Variants in GRAMD1B observed in about 807,000 individuals in gnomAD.
GRAMD1B encodes protein Aster-B.
In GRAMD1B, 37 loss-of-function variants were observed where a neutral mutation model predicts 99.7. That is an observed-to-expected ratio of 0.37 (90% CI 0.29 to 0.49). The LOEUF (loss-of-function observed/expected upper bound fraction) is 0.49. Among genes scored for constraint, GRAMD1B ranks in the 20% least tolerant of loss-of-function variants. GRAMD1B has a pLI of 0.98. For synonymous variants in GRAMD1B, 427 were observed against 387.6 expected (o/e 1.10, Z -1.19); for missense variants, 888 against 1,009.2 (o/e 0.88, Z 1.63).
intron 4 of GRAMD1B, among the ~76,000 whole-genome samples, chr11:123,593,741 G>A (rs530003368): frequency 2.1e-4 from 32 of 152,300 alleles, no homozygotes; most frequent in African/African-American, 7.7e-4. Flanking sequence ...CTGGCAGAAG[G>A]CAGAACAGCA....
chr11:123,568,570 A>G (rs1259051034), intron 2 of GRAMD1B, among the ~76,000 whole-genome samples: 1 of 152,218 alleles, frequency 6.6e-6, no homozygotes, highest in Non-Finnish European at 1.5e-5. Flanking sequence ...GGGAAGGCCC[A>G]TTCTGTGTCA....
chr11:123,475,547 A>G (rs568010072), intron 1 of GRAMD1B, among the ~76,000 whole-genome samples: 2 of 152,350 alleles, frequency 1.3e-5, no homozygotes, highest in East Asian at 3.9e-4. Context: ...TCCTAGTTCC[A>G]TATCTAGCTG....
At chr11:123,552,490 T>C (rs890063992) in intron 2 of GRAMD1B, among the ~76,000 whole-genome samples, 8 of 151,966 alleles carry the variant, frequency 5.3e-5, no homozygotes, top group African/African-American at 1.7e-4. Context: ...GGCCAGGCTG[T>C]TCTCGAACTC....
intron 2 of GRAMD1B, among the ~76,000 whole-genome samples, chr11:123,500,997 T>C (rs1036326020): frequency 3.9e-5 from 6 of 152,040 alleles, no homozygotes; most frequent in African/African-American, 1.4e-4. Context: ...TGAGGGCATA[T>C]TGCGTGCTTA....
At chr11:123,462,547 G>A (rs1950475707) in intron 1 of GRAMD1B, among the ~76,000 whole-genome samples, 1 of 152,220 alleles carries the variant, frequency 6.6e-6, no homozygotes, top group Non-Finnish European at 1.5e-5. Flanking sequence ...CATCAGTGAG[G>A]TTATCCCTGC....
At position 123,587,821 on chromosome 11, in the gene GRAMD1B, T is replaced by G. The variant is rs1017841179; in HGVS notation, c.684+3489T>G. Among the ~76,000 whole-genome samples the G allele has an allele frequency of 6.6e-6, 1 of 152,116 alleles. No homozygotes were observed. ...GCAAAAGAACAAAGGTTTGTAGGAA[T>G]GGAATCCAGGGTGTTGGGGTTGGGC... On this transcript the variant is annotated intron_variant, in intron 4 of 19. Transcript: ENST00000635736. This position sits in a 1 kb window ranked among gnomAD's most constrained non-coding sequence, Gnocchi z 4.2.
At chr11:123,422,912 T>G (rs114653647) in intron 1 of GRAMD1B, among the ~76,000 whole-genome samples, 2,036 of 148,310 alleles carry the variant, frequency 0.014, 51 homozygotes, top group African/African-American at 0.049. Context: ...TTTACCAAAT[T>G]GTAGTTCTTG....
At chr11:123,449,023 T>C (rs548115761) in intron 1 of GRAMD1B, among the ~76,000 whole-genome samples, 6 of 152,338 alleles carry the variant, frequency 3.9e-5, no homozygotes, top group African/African-American at 1.2e-4. Context: ...AATGGGATGC[T>C]CTCTTATTTC....
At chr11:123,596,463 A>G (rs59677928) in intron 7 of GRAMD1B, among the ~76,000 whole-genome samples, 10,132 of 152,314 alleles carry the variant, frequency 0.067, 396 homozygotes, top group African/African-American at 0.1. Flanking sequence ...ATTATCTCTC[A>G]AGAGGATGGG....
At chr11:123,583,900 C>G (rs1949748582) in intron 3 of GRAMD1B, among the ~76,000 whole-genome samples, 1 of 152,160 alleles carries the variant, frequency 6.6e-6, no homozygotes, top group South Asian at 2.1e-4. Flanking sequence ...CCCACCCTGC[C>G]TTTTACAGGG....
intron 1 of GRAMD1B, among the ~76,000 whole-genome samples, chr11:123,473,608 G>T (rs1951120924): frequency 6.6e-6 from 1 of 152,272 alleles, no homozygotes; most frequent in Non-Finnish European, 1.5e-5. Flanking sequence ...TTCATGAGTT[G>T]TAAGGAGCTA....
chr11:123,464,426 C>T (rs1038062405), intron 1 of GRAMD1B, among the ~76,000 whole-genome samples: 5 of 152,278 alleles, frequency 3.3e-5, no homozygotes, highest in South Asian at 2.1e-4. Context: ...CCAATTTCAC[C>T]GATAGCAGAA....
Position 123,476,091 on chromosome 11 carries a change from A to G in GRAMD1B, c.375-4725A>G, listed in dbSNP as rs145905964. Among the ~76,000 whole-genome samples the G allele has an allele frequency of 9.1e-3, 1,360 of 149,186 alleles. 21 individuals are homozygous for G. The highest frequency in any genetic ancestry group is 0.033 in the African/African-American group (1,291 of 39,418). Reference sequence around the variant, plus strand: ...TTGAGTGGAGGAGTGGTTGGCAGCAATTCATCCATTTAACTTCTTTTTTTT... The same window carrying G: ...TTGAGTGGAGGAGTGGTTGGCAGCAGTTCATCCATTTAACTTCTTTTTTTT... On this transcript the variant is annotated intron_variant, in intron 1 of 19. Coordinates refer to ENST00000635736, the MANE Select transcript of GRAMD1B (RefSeq NM_001387025.1).
intron 2 of GRAMD1B, among the ~76,000 whole-genome samples, chr11:123,533,271 T>A (rs186246580): frequency 3.3e-5 from 5 of 152,250 alleles, no homozygotes; most frequent in Admixed American, 3.3e-4. Context: ...GCGCCTGGCC[T>A]GTTTATTAAT....
intron 1 of GRAMD1B, among the ~76,000 whole-genome samples, chr11:123,455,887 A>G (rs1950093409): frequency 6.6e-6 from 1 of 152,118 alleles, no homozygotes; most frequent in South Asian, 2.1e-4. Context: ...ACACTCAACC[A>G]GGCCGGGTGG....
In GRAMD1B at chr11:123,626,014, G is replaced by T. The variant is rs1259859072; in HGVS notation, c.*3419G>T. 1 of 148,996 alleles carries T rather than the reference G, an allele frequency of 6.7e-6. No homozygotes were observed. The highest frequency in any genetic ancestry group is 6.7e-5 in the Admixed American group (1 of 14,914). The allele number at this position is 148,996 out of a possible 1,614,324, so 9.2% of individuals were successfully genotyped here. A position where few individuals can be genotyped will look rare whatever the true frequency, so the allele number is the denominator to read the frequency against. On this transcript the variant is annotated 3_prime_UTR_variant, in exon 20 of 20. Coordinates refer to ENST00000635736, the MANE Select transcript of GRAMD1B (RefSeq NM_001387025.1). ...TGATGTATTGCTCAGTATTCACTTA[G>T]AAGGGTTTCTTTCTCTTTGGCCTAG...
At chr11:123,525,332 G>A (rs546216845) in intron 2 of GRAMD1B, among the ~76,000 whole-genome samples, 176 of 152,232 alleles carry the variant, frequency 1.2e-3, no homozygotes, top group Non-Finnish European at 1.3e-3. Flanking sequence ...GGTCTTGTGC[G>A]CCTAGATGTC....
At chr11:123,598,154 C>T in intron 7 of GRAMD1B, 1 of 1,560,150 alleles carries the variant, frequency 6.4e-7, no homozygotes, top group Non-Finnish European at 8.8e-7. Context: ...CATGCCATGC[C>T]ATGAGCATGA....
chr11:123,606,947 T>G (rs1952825663), intron 11 of GRAMD1B, 149 bp downstream of exon 11: 1 of 617,188 alleles, frequency 1.6e-6, no homozygotes, highest in Non-Finnish European at 2.8e-6. Context: ...TGTTATTAGT[T>G]TACATCCCTG....
Sources: gnomAD v4.1 joint callset for allele counts (sites outside exome capture counted in the v4.1 genomes callset) on GRCh38, gnomAD v4.1.1 for gene constraint, Gnocchi (gnomAD v3.1) non-coding constraint, MANE v1.5 for transcripts, NCBI Gene and HGNC (gene_info 2026-07-23, HGNC 2026-07-21) for gene names.